SLC15A1: variants seen among roughly 807,000 people sequenced by gnomAD.
SLC15A1 encodes the protein Caco-2 oligopeptide transporter.
Under a neutral mutation model 92.9 loss-of-function variants are expected in SLC15A1, and 83 were observed. The ratio of observed to expected loss-of-function variants is 0.89; its 90% CI spans 0.75 to 1.07. The LOEUF (loss-of-function observed/expected upper bound fraction) is 1.07. Ranked by LOEUF, SLC15A1 falls within the 50% of genes least tolerant of loss-of-function variation. The pLI, the probability that SLC15A1 is intolerant of heterozygous loss-of-function variation, is 0.00. For missense variants in SLC15A1, 857 were observed against 880.1 expected, an observed-to-expected ratio of 0.97 and a Z score of 0.33; for synonymous variants, 322 against 318.2, an observed-to-expected ratio of 1.01 and a Z score of -0.13.
Position 98,683,861 on chromosome 13 carries a change from C to T in SLC15A1, c.*863G>A, listed in dbSNP as rs1271528003. 2 of 152,208 alleles carry T rather than the reference C, an allele frequency of 1.3e-5. No individual in the cohort carries two copies. Among genetic ancestry groups the T allele is most frequent in the Non-Finnish European group, 1.5e-5 (1 of 68,044 alleles). 9.4% of individuals were successfully genotyped at this position (152,208 alleles called of 1,614,324 possible). A position where few individuals can be genotyped will look rare whatever the true frequency, so the allele number is the denominator to read the frequency against. On this transcript the variant is annotated 3_prime_UTR_variant, in exon 23 of 23. Transcript: ENST00000376503. ...TCAAAAAAATCATTACTGGCCTTCA[C>T]CTGAGCTGTCTTTCGAGTTATCCAT...
rs748513040 is a variant in SLC15A1, at chr13:98,712,514, GC to G, written c.793del (p.Ala265LeufsTer19). 1 of 1,611,132 alleles carries G rather than the reference GC, an allele frequency of 6.2e-7. No homozygotes were observed. Among genetic ancestry groups the G allele is most frequent in the South Asian group, 1.1e-5 (1 of 90,568 alleles). ...FPKREHWLDW[A>X]KEKYDERLIS... ...GTTACTTACATCGTATTTCTCTTTA[GC>G]CCAGTCCAGCCAGTGCTCCCTCTTG... On this transcript the variant is annotated frameshift_variant, in exon 10 of 23. Coordinates refer to ENST00000376503, the MANE Select transcript of SLC15A1 (RefSeq NM_005073.4). LOFTEE classifies it high-confidence loss of function.
At chr13:98,718,592 G>A (rs960886543) in intron 8 of SLC15A1, among the ~76,000 whole-genome samples, 4 of 152,098 alleles carry the variant, frequency 2.6e-5, no homozygotes, top group Admixed American at 2.0e-4. Context: ...TGAGGTGGGT[G>A]GATCACCTGA....
chr13:98,688,584 CAG>C lies in SLC15A1; in HGVS notation c.1467-9_1467-8del. ...GTTAAAAGTATTTACAAATCTGAAACAGAAAACCATCTGTCTTGTAACTGAAC... is the reference window on the plus strand; with the variant it reads ...GTTAAAAGTATTTACAAATCTGAAACAAAACCATCTGTCTTGTAACTGAAC... On this transcript the variant is annotated splice_polypyrimidine_tract_variant and splice_region_variant and intron_variant, in intron 18 of 22. Coordinates refer to ENST00000376503, the MANE Select transcript of SLC15A1 (RefSeq NM_005073.4). The C allele has an allele frequency of 6.2e-7, 1 of 1,600,106 alleles. No individual in the cohort carries two copies. Among genetic ancestry groups the C allele is most frequent in the South Asian group, 1.1e-5 (1 of 90,608 alleles).
intron 1 of SLC15A1, among the ~76,000 whole-genome samples, chr13:98,735,290 T>G (rs1040032695): frequency 6.6e-6 from 1 of 152,228 alleles, no homozygotes; most frequent in Non-Finnish European, 1.5e-5. Flanking sequence ...TTCAACAGCC[T>G]TCATGCTAAA....
rs1339404614 is a variant in SLC15A1, at chr13:98,684,323, A to G, written c.*401T>C. Reference sequence around the variant, plus strand: ...AGCACTTTGGCAGGCCGAGGTGGGCAGATCACCAGGTCAAGAGATCGAGAC... The same window carrying G: ...AGCACTTTGGCAGGCCGAGGTGGGCGGATCACCAGGTCAAGAGATCGAGAC... On this transcript the variant is annotated 3_prime_UTR_variant, in exon 23 of 23. Transcript: ENST00000376503. 1 of 156,868 alleles carries G rather than the reference A, an allele frequency of 6.4e-6. No homozygotes were observed. Among genetic ancestry groups the G allele is most frequent in the Non-Finnish European group, 1.4e-5 (1 of 70,962 alleles). The allele number at this position is 156,868 out of a possible 1,614,324, so 9.7% of individuals were successfully genotyped here.
intron 9 of SLC15A1, 24 bp downstream of exon 9, chr13:98,715,854 A>T: frequency 6.2e-7 from 1 of 1,604,284 alleles, no homozygotes; most frequent in Middle Eastern, 1.7e-4. Context: ...AATAGCCTTG[A>T]GAAAGAGCAG....
In SLC15A1 at chr13:98,742,373, G is replaced by A. The variant is rs372826748; in HGVS notation, c.4+10222C>T. Among the ~76,000 whole-genome samples, 16 of 152,332 alleles carry A rather than the reference G, an allele frequency of 1.1e-4. 1 individual carries two copies. The highest frequency in any genetic ancestry group is 3.6e-4 in the African/African-American group (15 of 41,574). On this transcript the variant is annotated intron_variant, in intron 1 of 22. Transcript: ENST00000376503. ...CCTGTACCTCTTCCATGCAAAGTCT[G>A]TCGCCATCTGTCGTGTGCTGGACAG... is the stretch of plus-strand genomic sequence containing the variant.
In SLC15A1 at chr13:98,712,488, C is replaced by A. The variant is rs753463736; in HGVS notation, c.810+10G>T. ...GAATCAGGGTCATTGTAGCAATGAC[C>A]GTTACTTACATCGTATTTCTCTTTA... On this transcript the variant is annotated intron_variant, in intron 10 of 22. Coordinates refer to ENST00000376503, the MANE Select transcript of SLC15A1 (RefSeq NM_005073.4). The A allele has an allele frequency of 1.9e-6, 3 of 1,598,228 alleles. No individual in the cohort carries two copies. The highest frequency in any genetic ancestry group is 3.4e-5 in the Admixed American group (2 of 59,544).
rs777422290 is a variant in SLC15A1, at chr13:98,726,856, A to T, written c.8T>A (p.Met3Lys). 4.3e-6 allele frequency: 7 copies of T among 1,613,594 alleles called. No individual in the cohort carries two copies. The South Asian group carries it at 7.7e-5, about 18-fold the overall frequency. The part of the protein sequence containing the change: MG[M>K]SKSHSFFGYP... ...AAGGGTACTCACGTGTGATTTGGAC[A>T]TTCCTAAAAGAAAAACAGAATCCCA... is the stretch of plus-strand genomic sequence containing the variant. The change falls in exon 2 of 23, where the codon ATG (methionine) becomes AAG (lysine). Residue 3 changes from methionine (M) to lysine (K), a missense_variant. Physicochemically the swap from Met to Lys is moderately conservative, Grantham distance 95. Coordinates refer to ENST00000376503, the MANE Select transcript of SLC15A1 (RefSeq NM_005073.4).
rs1239952771 is a variant in SLC15A1 at position 98,721,842 on chromosome 13, C to T, written c.427G>A (p.Val143Met). The T allele has an allele frequency of 3.1e-6, 5 of 1,614,048 alleles. No homozygotes were observed. Among genetic ancestry groups the T allele is most frequent in the African/African-American group, 2.7e-5 (2 of 74,922 alleles). Residue 143 changes from valine (V) to methionine (M), a missense_variant, in exon 6 of 23, where the codon GTG becomes ATG. By Grantham distance (21) the Val-to-Met change is conservative. Transcript: ENST00000376503. The stretch of plus-strand genomic sequence containing the variant: ...AACTGATCTCCACCAAACGCAGACA[C>T]ACAGGGTTTGATTCCTCCAGTCCCG... ...ALGTGGIKPCVSAFGGDQFEE... is the reference protein window; with the variant it reads ...ALGTGGIKPCMSAFGGDQFEE...
At chr13:98,722,095 C>T (rs767786830) in intron 5 of SLC15A1, among the ~76,000 whole-genome samples, 192 bp from the exon 6 acceptor site, 15 of 152,236 alleles carry the variant, frequency 9.9e-5, no homozygotes, top group Non-Finnish European at 1.8e-4. Context: ...CCTTCAAACT[C>T]CTGCCCCCAT....
chr13:98,721,912 G>T lies in SLC15A1; in HGVS notation c.366-9C>A, dbSNP rs767866081. 2.5e-6 allele frequency: 4 copies of T among 1,610,058 alleles called. No individual in the cohort carries two copies. In the East Asian group the frequency reaches 8.9e-5, roughly 36 times the overall value. Reference sequence around the variant, plus strand: ...CGATCAAGGACAGCACCCTGGGAAAGACAGGGTGTTAGGGCCAACATGGCA... The same window carrying T: ...CGATCAAGGACAGCACCCTGGGAAATACAGGGTGTTAGGGCCAACATGGCA... On this transcript the variant is annotated splice_polypyrimidine_tract_variant and intron_variant, in intron 5 of 22. Coordinates refer to ENST00000376503, the MANE Select transcript of SLC15A1 (RefSeq NM_005073.4).
Position 98,686,222 on chromosome 13 carries a change from T to A in SLC15A1, c.1903A>T (p.Ile635Phe). ...CTGAACTGGCCTGCCCCTGCCACGA[T>A]GAGCACAATGATGTTGCCAACAGCC... ...TVAVGNIIVL[I>F]VAGAGQFSKQ... is the part of the protein sequence containing the mutation. Residue 635 changes from isoleucine (I) to phenylalanine (F), a missense_variant, in exon 22 of 23, where the codon ATC (isoleucine) becomes TTC (phenylalanine). Transcript: ENST00000376503. The A allele has an allele frequency of 6.2e-7, 1 of 1,613,846 alleles. No individual in the cohort carries two copies. Among genetic ancestry groups the A allele is most frequent in the East Asian group, 2.2e-5 (1 of 44,858 alleles).
At chr13:98,741,723 CAAAAA>C (rs61421254) in intron 1 of SLC15A1, among the ~76,000 whole-genome samples, 9 of 81,904 alleles carry the variant, frequency 1.1e-4, no homozygotes, top group Admixed American at 1.1e-4. Context: ...GACTCCGTCT[CAAAAA>C]AAAAAAAAAA....
At chr13:98,701,733 C>T (rs111790322) in intron 18 of SLC15A1, among the ~76,000 whole-genome samples, 10,058 of 148,692 alleles carry the variant, frequency 0.068, 867 homozygotes, top group African/African-American at 0.2. Context: ...TGCAGCAGCA[C>T]GATCTCAGCT....
intron 1 of SLC15A1, among the ~76,000 whole-genome samples, chr13:98,741,411 G>A (rs2088443866): frequency 6.6e-6 from 1 of 152,134 alleles, no homozygotes; most frequent in African/African-American, 2.4e-5. Context: ...CCAGGAGCTT[G>A]AGACCAGCCT....
At chr13:98,746,163 T>C (rs1228378877) in intron 1 of SLC15A1, among the ~76,000 whole-genome samples, 4 of 152,232 alleles carry the variant, frequency 2.6e-5, no homozygotes, top group Admixed American at 6.5e-5. Flanking sequence ...CTGAGGATAA[T>C]GGCCTCCGGC....
intron 18 of SLC15A1, among the ~76,000 whole-genome samples, chr13:98,698,743 C>T (rs1388645639): frequency 7.2e-5 from 11 of 152,126 alleles, no homozygotes; most frequent in East Asian, 1.9e-4. Context: ...AGCCTACATT[C>T]GTAAGTTAAT....
intron 18 of SLC15A1, among the ~76,000 whole-genome samples, chr13:98,698,006 C>G (rs1229505298): frequency 6.6e-6 from 1 of 152,006 alleles, no homozygotes; most frequent in Non-Finnish European, 1.5e-5. Flanking sequence ...ACCTTGGAGA[C>G]TGGGTAAAGG....
Sources: gnomAD v4.1 joint callset for allele counts (sites outside exome capture counted in the v4.1 genomes callset) on GRCh38, gnomAD v4.1.1 for gene constraint, MANE v1.5 for transcripts, NCBI Gene and HGNC (gene_info 2026-07-23, HGNC 2026-07-21) for gene names.